Variants in PUDP observed in about 807,000 individuals in gnomAD.
PUDP encodes the protein pseudouridine 5'-phosphatase, also known as pseudouridine-5'-phosphatase.
Under a neutral mutation model 9.4 loss-of-function variants are expected in PUDP, and 8 were observed. The ratio of observed to expected loss-of-function variants is 0.85; its 90% CI spans 0.50 to 1.53. The LOEUF (loss-of-function observed/expected upper bound fraction) is 1.53. Ranked by LOEUF, PUDP falls within the 40% of genes most tolerant of loss-of-function variation. PUDP has a pLI of 0.00. For missense variants in PUDP, 188 were observed against 189.7 expected, an observed-to-expected ratio of 0.99 and a Z score of 0.05; for synonymous variants, 99 against 80.7, an observed-to-expected ratio of 1.23 and a Z score of -1.22.
chrX:7,050,203 T>C lies in PUDP; in HGVS notation c.*93A>G, dbSNP rs1264310307. The stretch of plus-strand genomic sequence containing the variant: ...CAGGAGGCTAAAATCACAGCGCAGG[T>C]TGGGATTGAAGAGTTGCTGATTTCC... On this transcript the variant is annotated 3_prime_UTR_variant, in exon 4 of 4. Coordinates refer to ENST00000381077, the MANE Select transcript of PUDP (RefSeq NM_012080.5). 1 of 858,035 alleles carries C rather than the reference T, an allele frequency of 1.2e-6. No individual in the cohort carries two copies. The highest frequency in any genetic ancestry group is 1.6e-6 in the Non-Finnish European group (1 of 615,397). The allele number at this position is 858,035 out of a possible 1,213,427, so 70.7% of individuals were successfully genotyped here. A position where few individuals can be genotyped will look rare whatever the true frequency, so the allele number is the denominator to read the frequency against.
chrX:7,032,597 T>C (rs556403545), intron 1 of PUDP, among the ~76,000 whole-genome samples: 2 of 112,172 alleles, frequency 1.8e-5, no homozygotes, highest in African/African-American at 6.5e-5. Flanking sequence ...AAATAGTATG[T>C]TGTTAAATAG....
At chrX:6,731,780 A>AGGGAGGGAGGGAGGGAGGGAC in intron 3 of PUDP, among the ~76,000 whole-genome samples, 1 of 98,369 alleles carries the variant, frequency 1.0e-5, no homozygotes, top group African/African-American at 4.4e-5. Context: ...GAGGGAGGGA[A>AGGGAGGGAGGGAGGGAGGGAC]AAGGGAAGGA....
At chrX:6,922,033 T>C (rs1602674048) in intron 3 of PUDP, among the ~76,000 whole-genome samples, 1 of 110,980 alleles carries the variant, frequency 9.0e-6, no homozygotes, top group African/African-American at 3.3e-5. Flanking sequence ...TCTCACTTAT[T>C]TGTGGGATCT....
At chrX:7,057,907 G>C in intron 3 of PUDP, 38 of 620,151 alleles carry the variant, frequency 6.1e-5, no homozygotes, top group Non-Finnish European at 9.0e-5. Flanking sequence ...AAGGAGAAGG[G>C]CCCGCGGCTT....
intron 3 of PUDP, among the ~76,000 whole-genome samples, chrX:6,967,049 G>A (rs1928796841): frequency 9.0e-6 from 1 of 111,582 alleles, no homozygotes; most frequent in Non-Finnish European, 1.9e-5. Context: ...GGGAGGGTAT[G>A]TAGGGGGCCG....
chrX:7,035,837 T>C (rs1256886719), intron 1 of PUDP, among the ~76,000 whole-genome samples: 1 of 111,877 alleles, frequency 8.9e-6, no homozygotes, highest in Non-Finnish European at 1.9e-5. Flanking sequence ...TAGTCCCCAA[T>C]ATTGGAGGCT....
At chrX:7,004,265 A>AT (rs760410766) in intron 1 of PUDP, among the ~76,000 whole-genome samples, 3 of 111,975 alleles carry the variant, frequency 2.7e-5, no homozygotes, top group Admixed American at 9.5e-5. Context: ...GCAAATGTAG[A>AT]TTTAGATTGT....
intron 3 of PUDP, among the ~76,000 whole-genome samples, chrX:6,727,962 T>C (rs1268026574): frequency 2.7e-5 from 3 of 111,857 alleles, no homozygotes; most frequent in African/African-American, 6.5e-5. Flanking sequence ...TTAGGAGGTT[T>C]ATTTGCTGTA....
Position 6,844,142 on chromosome X carries a change from A to G in PUDP, c.*247+132991T>C, listed in dbSNP as rs1218259736. The stretch of plus-strand genomic sequence containing the variant: ...ATTGAGTGTTTCTCACCTTGAACCT[A>G]TTTGGTTCTCTCTGATGAATCCACC... On this transcript the variant is annotated intron_variant and NMD_transcript_variant, in intron 3 of 3. Coordinates refer to the PUDP transcript ENST00000655425. 7.1e-5 allele frequency among the ~76,000 whole-genome samples: 8 copies of G among 112,254 alleles called. 1 individual carries two copies. Among genetic ancestry groups the G allele is most frequent in the Non-Finnish European group, 1.1e-4 (6 of 53,230 alleles).
At chrX:6,930,841 T>C (rs1482220843) in intron 3 of PUDP, among the ~76,000 whole-genome samples, 1 of 110,740 alleles carries the variant, frequency 9.0e-6, no homozygotes, top group Non-Finnish European at 1.9e-5. Context: ...CTCCTGACCT[T>C]GCTTTCTTGT....
chrX:6,820,163 C>A (rs1181921528), intron 3 of PUDP, among the ~76,000 whole-genome samples: 4 of 109,805 alleles, frequency 3.6e-5, no homozygotes, highest in Admixed American at 2.0e-4. Flanking sequence ...CCCTGATAAA[C>A]CCAATAGATC....
At chrX:6,737,879 G>C (rs1027645789) in intron 3 of PUDP, among the ~76,000 whole-genome samples, 40 of 111,145 alleles carry the variant, frequency 3.6e-4, no homozygotes, top group African/African-American at 1.0e-3. Flanking sequence ...CTGTCGATGC[G>C]AGCACTGAAG....
chrX:7,147,172 T>C (rs183991718), intron 1 of PUDP, among the ~76,000 whole-genome samples: 24 of 110,980 alleles, frequency 2.2e-4, no homozygotes, highest in Admixed American at 1.7e-3. Context: ...ATGCCTCGGA[T>C]TGATAGAGCA....
chrX:6,926,539 G>T (rs1481660097), intron 3 of PUDP, among the ~76,000 whole-genome samples: 1 of 112,191 alleles, frequency 8.9e-6, no homozygotes, highest in African/African-American at 3.2e-5. Flanking sequence ...CCCTTTAAAA[G>T]AGAAAAATGA....
rs183616325 is a variant in PUDP at position 6,805,262 on chromosome X, C to G, written c.*248-98796G>C. Among the ~76,000 whole-genome samples the G allele has an allele frequency of 7.5e-3, 826 of 110,464 alleles. 8 individuals carry two copies. The highest frequency in any genetic ancestry group is 9.3e-3 in the Non-Finnish European group (492 of 52,835). On this transcript the variant is annotated intron_variant and NMD_transcript_variant, in intron 3 of 3. Transcript: ENST00000655425. Reference sequence around the variant, plus strand: ...TCCAGCCTGAGTGACACAGCAAGACCCTGTCTCTTAAAAAAATAAAAATAA... The same window carrying G: ...TCCAGCCTGAGTGACACAGCAAGACGCTGTCTCTTAAAAAAATAAAAATAA...
intron 1 of PUDP, among the ~76,000 whole-genome samples, chrX:7,035,708 T>C (rs1397755286): frequency 3.6e-5 from 4 of 112,109 alleles, no homozygotes; most frequent in Non-Finnish European, 7.5e-5. Context: ...TGTACATAGC[T>C]ATTTGTAGCC....
At chrX:7,138,317 A>G (rs1226456193) in intron 1 of PUDP, among the ~76,000 whole-genome samples, 1 of 110,945 alleles carries the variant, frequency 9.0e-6, no homozygotes, top group African/African-American at 3.3e-5. Flanking sequence ...AAGGGATATT[A>G]CCAATGGGCA....
At chrX:6,719,819 T>C (rs1924640453) in intron 1 of PUDP, among the ~76,000 whole-genome samples, 1 of 112,233 alleles carries the variant, frequency 8.9e-6, no homozygotes, top group Admixed American at 9.5e-5. Flanking sequence ...AGATGAATTT[T>C]GAAGTGGATG....
At chrX:6,975,279 G>C (rs1928936515) in intron 3 of PUDP, among the ~76,000 whole-genome samples, 1 of 110,267 alleles carries the variant, frequency 9.1e-6, no homozygotes, top group South Asian at 3.9e-4. Flanking sequence ...TGATCCTTTG[G>C]AGAAGAGGCA....
Sources: gnomAD v4.1 joint callset for allele counts (sites outside exome capture counted in the v4.1 genomes callset) on GRCh38, gnomAD v4.1.1 for gene constraint, MANE v1.5 for transcripts, NCBI Gene and HGNC (gene_info 2026-07-23, HGNC 2026-07-21) for gene names.